RBM47: variants seen among roughly 807,000 people sequenced by gnomAD.
RBM47 encodes the protein RNA-binding protein 47.
RBM47 carries 21 observed loss-of-function variants against 47.1 expected under a neutral mutation model. The observed-to-expected ratio is 0.45, with a 90% CI of 0.32 to 0.64. The LOEUF (loss-of-function observed/expected upper bound fraction) is 0.64, where lower values mean the gene tolerates loss of function less well. Ranked by LOEUF, RBM47 falls within the 30% of genes least tolerant of loss-of-function variation. RBM47 has a pLI of 0.05. For synonymous variants in RBM47, 375 were observed against 361.7 expected, an observed-to-expected ratio of 1.04 and a Z score of -0.42; for missense variants, 708 against 870.9, an observed-to-expected ratio of 0.81 and a Z score of 2.35.
At chr4:40,581,321 C>T (rs1578005874) in intron 1 of RBM47, among the ~76,000 whole-genome samples, 1 of 151,890 alleles carries the variant, frequency 6.6e-6, no homozygotes, top group South Asian at 2.1e-4. Context: ...ACTCGAGAGG[C>T]TGAGGTGGGA....
chr4:40,428,696 T>C (rs1447414360), intron 6 of RBM47, among the ~76,000 whole-genome samples: 4 of 152,202 alleles, frequency 2.6e-5, no homozygotes, highest in Non-Finnish European at 5.9e-5. Context: ...CACATAGACA[T>C]GCACTGGCTT....
chr4:40,470,730 A>C (rs1718729004), intron 2 of RBM47, among the ~76,000 whole-genome samples: 1 of 152,096 alleles, frequency 6.6e-6, no homozygotes, highest in African/African-American at 2.4e-5. Context: ...ATTTCTTAAA[A>C]ACAGATCCTT....
At chr4:40,444,363 A>G (rs1020968513) in intron 3 of RBM47, among the ~76,000 whole-genome samples, 1 of 151,882 alleles carries the variant, frequency 6.6e-6, no homozygotes, top group Non-Finnish European at 1.5e-5. Flanking sequence ...GCTGTGGGCC[A>G]AATATGGCCT....
intron 3 of RBM47, among the ~76,000 whole-genome samples, chr4:40,440,304 G>A (rs1577635574): frequency 6.6e-6 from 1 of 152,012 alleles, no homozygotes; most frequent in Non-Finnish European, 1.5e-5. Flanking sequence ...AGGTGGGAGG[G>A]GGAAGCCTGG....
intron 2 of RBM47, among the ~76,000 whole-genome samples, chr4:40,485,780 C>A (rs1171008058): frequency 6.6e-6 from 1 of 151,478 alleles, no homozygotes; most frequent in Admixed American, 6.6e-5. Flanking sequence ...AGAAAATAGG[C>A]CGGGTAGGGT....
At chr4:40,528,774 G>GA (rs962807422) in intron 2 of RBM47, among the ~76,000 whole-genome samples, 1 of 148,846 alleles carries the variant, frequency 6.7e-6, no homozygotes, top group Non-Finnish European at 1.5e-5. Context: ...GTTTCAAAAA[G>GA]AAAAAAACAA....
chr4:40,461,662 C>G (rs1275529431), intron 3 of RBM47, among the ~76,000 whole-genome samples: 1 of 152,170 alleles, frequency 6.6e-6, no homozygotes, highest in Non-Finnish European at 1.5e-5. Context: ...GGCACAGTGG[C>G]TCATGCCTGT....
intron 2 of RBM47, among the ~76,000 whole-genome samples, chr4:40,522,370 T>A (rs1250205929): frequency 8.5e-5 from 13 of 152,118 alleles, no homozygotes; most frequent in Non-Finnish European, 1.5e-4. Flanking sequence ...CCCGGCGTGG[T>A]GGCAGGCGCC....
At chr4:40,595,431 T>C (rs1445628807) in intron 1 of RBM47, among the ~76,000 whole-genome samples, 3 of 151,328 alleles carry the variant, frequency 2.0e-5, no homozygotes, top group African/African-American at 7.3e-5. Context: ...GAGGTGGAGG[T>C]TGCAGTGAGC....
rs547147198 is a variant in RBM47, at chr4:40,537,086, C to T, written c.-155+7336G>A. On this transcript the variant is annotated intron_variant, in intron 2 of 6. Coordinates refer to ENST00000295971, the MANE Select transcript of RBM47 (RefSeq NM_001098634.2). ...CCACTAGATCTATGAAACTTTTGCC[C>T]ACATGAATGAACTAATTTTATTTTA... Among the ~76,000 whole-genome samples, 6 of 152,136 alleles carry T rather than the reference C, an allele frequency of 3.9e-5. No individual in the cohort carries two copies. The East Asian group carries it at 5.8e-4, about 15-fold the overall frequency.
At chr4:40,437,090 A>AAAAAAAAAAAAAAAAATATAT (rs1256296949) in intron 4 of RBM47, among the ~76,000 whole-genome samples, 15 of 49,776 alleles carry the variant, frequency 3.0e-4, no homozygotes, top group East Asian at 7.7e-4. Flanking sequence ...AAAAAAAAAA[A>AAAAAAAAAAAAAAAAATATAT]ATATATATAT....
chr4:40,553,309 T>C (rs114329707), intron 1 of RBM47, among the ~76,000 whole-genome samples: 11,715 of 150,882 alleles, frequency 0.078, 699 homozygotes, highest in African/African-American at 0.17. Flanking sequence ...TATTTTATTT[T>C]ATTTTTGAGA....
chr4:40,509,188 T>TAAATA (rs543483077), intron 2 of RBM47, among the ~76,000 whole-genome samples: 16 of 147,770 alleles, frequency 1.1e-4, no homozygotes, highest in African/African-American at 3.8e-4. Context: ...AATAAATAAA[T>TAAATA]AATAATAATA....
At chr4:40,499,316 C>T (rs1723044469) in intron 2 of RBM47, among the ~76,000 whole-genome samples, 1 of 151,982 alleles carries the variant, frequency 6.6e-6, no homozygotes, top group Non-Finnish European at 1.5e-5. Flanking sequence ...TAATAGCACC[C>T]CTATTTCATT....
intron 2 of RBM47, among the ~76,000 whole-genome samples, chr4:40,532,071 C>T (rs556726431): frequency 1.4e-4 from 20 of 147,258 alleles, no homozygotes; most frequent in African/African-American, 4.3e-4. Flanking sequence ...AGTGCAGTGG[C>T]GCAGTCTCAG....
intron 1 of RBM47, among the ~76,000 whole-genome samples, chr4:40,569,560 C>T (rs952723181): frequency 1.3e-5 from 2 of 148,714 alleles, no homozygotes; most frequent in African/African-American, 2.5e-5. Flanking sequence ...CAGGCGCCCA[C>T]CACCACACCC....
Position 40,425,271 on chromosome 4 carries a change from A to C in RBM47, c.*633T>G, listed in dbSNP as rs1323414834. ...GTCTTTTCAATGTTGGCTTAAGGAGAGATCCAGTGTTTAATTTCTTTTAAA... is the reference window on the plus strand; with the variant it reads ...GTCTTTTCAATGTTGGCTTAAGGAGCGATCCAGTGTTTAATTTCTTTTAAA... On this transcript the variant is annotated 3_prime_UTR_variant, in exon 7 of 7. Coordinates refer to ENST00000295971, the MANE Select transcript of RBM47 (RefSeq NM_001098634.2). 6.5e-6 allele frequency: 1 copy of C among 152,692 alleles called. No homozygotes were observed. The highest frequency in any genetic ancestry group is 6.5e-5 in the Admixed American group (1 of 15,286). The allele number at this position is 152,692 out of a possible 1,614,324, so 9.5% of individuals were successfully genotyped here.
At chr4:40,513,176 C>A (rs1725166849) in intron 2 of RBM47, among the ~76,000 whole-genome samples, 1 of 152,200 alleles carries the variant, frequency 6.6e-6, no homozygotes, top group South Asian at 2.1e-4. Flanking sequence ...TTGAAACAAT[C>A]ATTTCTTCCA....
At chr4:40,566,976 CT>C (rs34897606) in intron 1 of RBM47, among the ~76,000 whole-genome samples, 22,011 of 151,628 alleles carry the variant, frequency 0.15, 3,626 homozygotes, top group African/African-American at 0.4. Flanking sequence ...TTTATCCTCT[CT>C]TTTTTTTCTC....
Sources: allele counts gnomAD v4.1 joint callset (sites outside exome capture counted in the v4.1 genomes callset), GRCh38; gene constraint gnomAD v4.1.1; transcripts MANE v1.5; gene names NCBI Gene and HGNC (gene_info 2026-07-23, HGNC 2026-07-21).